The following DDX60L variants were observed in gnomAD, a reference collection of about 807,000 sequenced individuals.
The protein encoded by DDX60L is DExD/H-box 60 like, also known as probable ATP-dependent RNA helicase DDX60-like.
Under a neutral mutation model 211.6 loss-of-function variants are expected in DDX60L, and 191 were observed. The ratio of observed to expected loss-of-function variants is 0.90; its 90% confidence interval spans 0.80 to 1.02. The LOEUF (loss-of-function observed/expected upper bound fraction) is 1.02. DDX60L is among the 50% of genes least tolerant of loss of function. DDX60L has a pLI of 0.00. For synonymous variants in DDX60L, 706 were observed against 694.1 expected, an observed-to-expected ratio of 1.02 and a Z score of -0.27; for missense variants, 2,007 against 1,984.1, an observed-to-expected ratio of 1.01 and a Z score of -0.22.
chr4:168,379,023 T>C (rs777780239), intron 32 of DDX60L, among the ~76,000 whole-genome samples: 1 of 152,162 alleles, frequency 6.6e-6, no homozygotes, highest in Non-Finnish European at 1.5e-5. Context: ...CTGTGGGCAT[T>C]AAAAGGTGGC....
At chr4:168,439,197 T>C (rs897065866) in intron 10 of DDX60L, among the ~76,000 whole-genome samples, 14 of 152,198 alleles carry the variant, frequency 9.2e-5, no homozygotes, top group Non-Finnish European at 1.5e-5. Context: ...AGATGTCAAC[T>C]TCATCAGACT....
At position 168,456,031 on chromosome 4, in the gene DDX60L, T is replaced by A. The variant is rs1362809323; in HGVS notation, c.837+8A>T. 1 of 1,566,304 alleles carries A rather than the reference T, an allele frequency of 6.4e-7. No homozygotes were observed. On this transcript the variant is annotated splice_region_variant and intron_variant, in intron 7 of 37. Coordinates refer to ENST00000682922, the MANE Select transcript of DDX60L (RefSeq NM_001012967.3). ...TTTCTGCCTGGCGGCTGTGTTCTTTTTACTTACTAAGACACGATGGTACAT... is the reference window on the plus strand; with the variant it reads ...TTTCTGCCTGGCGGCTGTGTTCTTTATACTTACTAAGACACGATGGTACAT...
At chr4:168,425,099 C>A (rs1221734004) in intron 14 of DDX60L, among the ~76,000 whole-genome samples, 3 of 152,306 alleles carry the variant, frequency 2.0e-5, no homozygotes, top group Middle Eastern at 3.4e-3. Context: ...CGGTACAATA[C>A]GATGATAGCG....
At chr4:168,453,880 T>C (rs918241361) in intron 7 of DDX60L, among the ~76,000 whole-genome samples, 1 of 152,182 alleles carries the variant, frequency 6.6e-6, no homozygotes, top group Non-Finnish European at 1.5e-5. Flanking sequence ...TTTTTTTAAA[T>C]TAGAACCACC....
In DDX60L at chr4:168,459,864, CA is replaced by C. The variant is rs1392757505; in HGVS notation, c.606+1834del. 5.9e-3 allele frequency among the ~76,000 whole-genome samples: 652 copies of C among 110,540 alleles called. 5 individuals carry two copies. Among genetic ancestry groups the C allele is most frequent in the Middle Eastern group, 0.034 (6 of 176 alleles). 72.5% of individuals were successfully genotyped at this position (110,540 alleles called of 152,430 possible). A position where few individuals can be genotyped will look rare whatever the true frequency, so the allele number is the denominator to read the frequency against. On this transcript the variant is annotated intron_variant, in intron 5 of 37. Transcript: ENST00000682922. Reference sequence around the variant, plus strand: ...GGGAAGGAAAGAGAAGTCTAAAGTTCAAAAAAAAAAAACCTGGGGAAATATT... The same window carrying C: ...GGGAAGGAAAGAGAAGTCTAAAGTTCAAAAAAAAAAACCTGGGGAAATATT...
chr4:168,403,152 A>G (rs1489583619), intron 25 of DDX60L, among the ~76,000 whole-genome samples: 1 of 152,072 alleles, frequency 6.6e-6, no homozygotes, highest in African/African-American at 2.4e-5. Flanking sequence ...AGAAGAAGAA[A>G]TTTTCTTGTA....
intron 22 of DDX60L, among the ~76,000 whole-genome samples, chr4:168,412,174 T>C (rs1285010028): frequency 1.3e-5 from 2 of 151,424 alleles, no homozygotes; most frequent in Non-Finnish European, 2.9e-5. Flanking sequence ...GTGGTGGCTA[T>C]GGGGAGAGAC....
chr4:168,433,819 AT>A (rs1283805351), intron 10 of DDX60L, among the ~76,000 whole-genome samples: 1 of 152,178 alleles, frequency 6.6e-6, no homozygotes, highest in Non-Finnish European at 1.5e-5. Flanking sequence ...ATATACAAAT[AT>A]TTTTAATGAG....
intron 1 of DDX60L, among the ~76,000 whole-genome samples, chr4:168,478,193 A>AG (rs1182427314): frequency 6.6e-6 from 1 of 151,804 alleles, no homozygotes; most frequent in Non-Finnish European, 1.5e-5. Flanking sequence ...ATAGGACAAA[A>AG]AAAAAAGAAA....
intron 34 of DDX60L, among the ~76,000 whole-genome samples, chr4:168,375,176 T>G (rs1560940135): frequency 6.6e-6 from 1 of 152,056 alleles, no homozygotes; most frequent in Non-Finnish European, 1.5e-5. Context: ...ATTATAAAGT[T>G]TTTTTTTAAT....
intron 34 of DDX60L, among the ~76,000 whole-genome samples, 156 bp from the exon 35 acceptor site, chr4:168,373,964 G>A (rs1296295739): frequency 6.6e-6 from 1 of 152,114 alleles, no homozygotes; most frequent in Non-Finnish European, 1.5e-5. Flanking sequence ...AACACAGCTT[G>A]GCACAGAGTA....
chr4:168,475,314 C>T (rs1383137462), intron 1 of DDX60L, among the ~76,000 whole-genome samples: 1 of 152,220 alleles, frequency 6.6e-6, no homozygotes, highest in Admixed American at 6.5e-5. Context: ...ATGGCCAACA[C>T]TGAATGCTCT....
chr4:168,396,633 T>C (rs1046352839), intron 26 of DDX60L, among the ~76,000 whole-genome samples: 1 of 152,040 alleles, frequency 6.6e-6, no homozygotes, highest in Non-Finnish European at 1.5e-5. Flanking sequence ...ATACTCTTTA[T>C]TTTCATGGCC....
Position 168,461,961 on chromosome 4 carries a change from G to C in DDX60L, c.344C>G (p.Thr115Ser). The change falls in exon 5 of 38, where the codon ACT becomes AGT. Residue 115 changes from threonine (T) to serine (S), a missense_variant. Transcript: ENST00000682922. ...TALILHLQHN[T>S]NIDVQTEFSG... The stretch of plus-strand genomic sequence containing the variant: ...AAACTCCGTTTGCACATCAATGTTA[G>C]TATTGTGTTGAAGGTGGAGAATTAA... 3 of 1,613,440 alleles carry C rather than the reference G, an allele frequency of 1.9e-6. No individual in the cohort carries two copies. The highest frequency in any genetic ancestry group is 2.5e-6 in the Non-Finnish European group (3 of 1,179,646).
chr4:168,452,922 A>G (rs1367888789), intron 8 of DDX60L, among the ~76,000 whole-genome samples: 3 of 152,222 alleles, frequency 2.0e-5, no homozygotes, highest in African/African-American at 7.2e-5. Flanking sequence ...TAAGAAGGAA[A>G]AAGAGGAGGC....
At chr4:168,478,217 TC>T (rs1759877110) in intron 1 of DDX60L, among the ~76,000 whole-genome samples, 1 of 151,912 alleles carries the variant, frequency 6.6e-6, no homozygotes, top group African/African-American at 2.4e-5. Flanking sequence ...AACACCTTGC[TC>T]AACAAAGACT....
chr4:168,451,339 C>T (rs960846489), intron 8 of DDX60L, among the ~76,000 whole-genome samples: 5 of 152,190 alleles, frequency 3.3e-5, no homozygotes, highest in Admixed American at 2.6e-4. Flanking sequence ...ATTGCCACCA[C>T]CTCAAACTCA....
At chr4:168,380,614 C>A (rs1175833633) in intron 30 of DDX60L, 2 of 152,192 alleles carry the variant, frequency 1.3e-5, no homozygotes, top group Non-Finnish European at 2.9e-5. Flanking sequence ...TACCCAGTCT[C>A]AAGTGTCTCT....
chr4:168,415,806 G>A lies in DDX60L; in HGVS notation c.2727-7C>T. 1 of 1,515,460 alleles carries A rather than the reference G, an allele frequency of 6.6e-7. No homozygotes were observed. The highest frequency in any genetic ancestry group is 8.8e-7 in the Non-Finnish European group (1 of 1,132,162). 93.9% of individuals were successfully genotyped at this position (1,515,460 alleles called of 1,614,324 possible). On this transcript the variant is annotated splice_polypyrimidine_tract_variant and splice_region_variant and intron_variant, in intron 20 of 37. Coordinates refer to ENST00000682922, the MANE Select transcript of DDX60L (RefSeq NM_001012967.3). ...TTTTACTGATTGCAGCCACCTTACA[G>A]AATAAACATGCATATAATTTAAATA...
Sources: allele counts gnomAD v4.1 joint callset (sites outside exome capture counted in the v4.1 genomes callset), GRCh38; gene constraint gnomAD v4.1.1; transcripts MANE v1.5; gene names NCBI Gene and HGNC (gene_info 2026-07-23, HGNC 2026-07-21).